Variants in GPM6A observed in about 807,000 individuals in gnomAD.
GPM6A encodes the protein neuronal membrane glycoprotein M6-a.
A neutral mutation model predicts 32.1 loss-of-function variants in GPM6A; 7 were observed. The observed-to-expected ratio is 0.22, with a 90% CI of 0.12 to 0.41. The LOEUF (loss-of-function observed/expected upper bound fraction) is 0.41. Ranked by LOEUF, GPM6A falls within the 10% of genes least tolerant of loss-of-function variation. The pLI is 1.00. For missense variants in GPM6A, 235 were observed against 347.2 expected (o/e 0.68, Z 2.57); for synonymous variants, 130 against 123.4 (o/e 1.05, Z -0.35).
At chr4:175,747,619 A>T (rs1732161279) in intron 1 of GPM6A, among the ~76,000 whole-genome samples, 1 of 152,204 alleles carries the variant, frequency 6.6e-6, no homozygotes, top group Non-Finnish European at 1.5e-5. Context: ...ATATACTTTA[A>T]TTTAAAAATC....
chr4:175,863,802 G>C (rs1050684443), intron 1 of GPM6A, among the ~76,000 whole-genome samples: 1 of 152,106 alleles, frequency 6.6e-6, no homozygotes, highest in Admixed American at 6.6e-5. Flanking sequence ...AAGAGTTCAA[G>C]ACCAGCCTGG....
At chr4:175,720,842 C>A (rs1455914729) in intron 1 of GPM6A, among the ~76,000 whole-genome samples, 1 of 151,852 alleles carries the variant, frequency 6.6e-6, no homozygotes, top group Non-Finnish European at 1.5e-5. Context: ...ACTGAAGAAA[C>A]CTTAGAAATG....
At chr4:175,744,002 G>GAACAAAA (rs1333424646) in intron 1 of GPM6A, among the ~76,000 whole-genome samples, 1 of 150,010 alleles carries the variant, frequency 6.7e-6, no homozygotes, top group African/African-American at 2.4e-5. Context: ...TAGAAGAGAT[G>GAACAAAA]AACAAAAAGG....
chr4:175,651,845 A>T lies in GPM6A; in HGVS notation c.530T>A (p.Leu177His). The change falls in exon 4 of 7, where the codon CTT (leucine) becomes CAT (histidine). Residue 177 changes from leucine (L) to histidine (H), a missense_variant. By Grantham distance (99) the Leu-to-His change is moderately conservative. This residue lies in a region of GPM6A where 107 missense variants were observed against 116.7 expected (regional missense o/e 0.92). Transcript: ENST00000393658. ...CAATATCCACTTACCAAACTGACGA[A>T]GGTCCAAGCAGAGATTTGCTCCCTC... The part of the protein sequence containing the change: ...LVEGANLCLD[L>H]RQFGIVTIGE... The T allele has an allele frequency of 6.2e-7, 1 of 1,612,284 alleles. No homozygotes were observed. Among genetic ancestry groups the T allele is most frequent in the Non-Finnish European group, 8.5e-7 (1 of 1,178,994 alleles).
intron 1 of GPM6A, among the ~76,000 whole-genome samples, chr4:175,877,924 A>G (rs1053700349): frequency 2.0e-5 from 3 of 152,262 alleles, no homozygotes; most frequent in African/African-American, 7.2e-5. Flanking sequence ...CTTCCTAGAT[A>G]CAATGGGGTA....
intron 1 of GPM6A, among the ~76,000 whole-genome samples, chr4:175,817,267 A>C (rs1735135919): frequency 6.6e-6 from 1 of 152,266 alleles, no homozygotes; most frequent in East Asian, 1.9e-4. Context: ...GAAAGCAGTC[A>C]ATTCACAGAA....
intron 1 of GPM6A, among the ~76,000 whole-genome samples, chr4:175,827,046 C>A (rs1201975565): frequency 6.6e-6 from 1 of 152,112 alleles, no homozygotes; most frequent in Admixed American, 6.5e-5. Context: ...CTCATTTTAT[C>A]CCTCCAAGAT....
At chr4:175,708,776 G>C (rs553087512) in intron 1 of GPM6A, among the ~76,000 whole-genome samples, 5 of 152,134 alleles carry the variant, frequency 3.3e-5, no homozygotes, top group Non-Finnish European at 7.3e-5. Context: ...TGAAGGTATA[G>C]GGACATCAAT....
intron 4 of GPM6A, among the ~76,000 whole-genome samples, chr4:175,649,639 A>G (rs533083986): frequency 6.6e-6 from 1 of 152,310 alleles, no homozygotes; most frequent in South Asian, 2.1e-4. Flanking sequence ...AAACCATCAC[A>G]TACAAGAGAA....
At chr4:175,878,229 T>C (rs558749695) in intron 1 of GPM6A, among the ~76,000 whole-genome samples, 3 of 152,144 alleles carry the variant, frequency 2.0e-5, no homozygotes, top group African/African-American at 4.8e-5. Flanking sequence ...CGTCAGTGGA[T>C]CTACCATTCT....
intron 1 of GPM6A, among the ~76,000 whole-genome samples, chr4:175,794,831 T>C (rs1324816483): frequency 7.9e-5 from 2 of 25,272 alleles, no homozygotes; most frequent in African/African-American, 2.8e-4. Flanking sequence ...GAAACTTTGC[T>C]TTGGGCCATA....
intron 4 of GPM6A, among the ~76,000 whole-genome samples, chr4:175,642,540 T>G (rs1461011656): frequency 3.3e-5 from 5 of 152,198 alleles, no homozygotes. Flanking sequence ...TTCATCTTCT[T>G]GCAAGTTGAC....
chr4:175,983,130 AG>A (rs1225077646), intron 1 of GPM6A, among the ~76,000 whole-genome samples: 1 of 152,118 alleles, frequency 6.6e-6, no homozygotes, highest in Admixed American at 6.5e-5. Context: ...TGGGGAGGGG[AG>A]AATTTAAAGG....
intron 2 of GPM6A, among the ~76,000 whole-genome samples, chr4:175,685,019 C>A (rs954736599): frequency 6.6e-6 from 1 of 152,102 alleles, no homozygotes; most frequent in African/African-American, 2.4e-5. Flanking sequence ...TCCCGAGTAG[C>A]TGGGACTACA....
In GPM6A at chr4:175,823,439, AAAAT is replaced by A. The variant is rs573025335; in HGVS notation, c.-22-11194_-22-11191del. Among the ~76,000 whole-genome samples, 312 of 152,352 alleles carry A rather than the reference AAAAT, an allele frequency of 2.0e-3. 2 individuals carry two copies. The highest frequency in any genetic ancestry group is 7.2e-3 in the African/African-American group (299 of 41,582). ...GGATATTGCAAATGACAGTCTTGCA[AAAAT>A]AAATAGATAAGTGCAAGAGAGAAAG... On this transcript the variant is annotated intron_variant, in intron 1 of 7. Transcript: ENST00000280187.
At chr4:175,827,447 C>A (rs1273324856) in intron 1 of GPM6A, among the ~76,000 whole-genome samples, 1 of 152,144 alleles carries the variant, frequency 6.6e-6, no homozygotes, top group Non-Finnish European at 1.5e-5. Context: ...AGAAACAGAA[C>A]AAGTGACTTG....
At chr4:175,709,300 T>C (rs1486055169) in intron 1 of GPM6A, among the ~76,000 whole-genome samples, 1 of 147,416 alleles carries the variant, frequency 6.8e-6, no homozygotes. Flanking sequence ...TCTCTCTCTG[T>C]CTCTCTCTCT....
intron 1 of GPM6A, among the ~76,000 whole-genome samples, chr4:175,986,673 AT>A (rs1740985390): frequency 1.3e-5 from 2 of 152,154 alleles, no homozygotes; most frequent in Non-Finnish European, 2.9e-5. Flanking sequence ...CATATTTTTC[AT>A]CTCCATTGCT....
chr4:175,830,078 A>G (rs528834308), intron 1 of GPM6A, among the ~76,000 whole-genome samples: 19 of 152,214 alleles, frequency 1.2e-4, no homozygotes, highest in African/African-American at 4.6e-4. Flanking sequence ...ACAGAGGACC[A>G]GAGAAAGGAG....
Sources: gnomAD v4.1 joint callset for allele counts (sites outside exome capture counted in the v4.1 genomes callset) on GRCh38, gnomAD v4.1.1 for gene constraint, gnomAD v4.1.1 regional missense constraint, MANE v1.5 for transcripts, NCBI Gene and HGNC (gene_info 2026-07-23, HGNC 2026-07-21) for gene names.